RBMS3: variants seen among roughly 807,000 people sequenced by gnomAD.
RBMS3 encodes RNA binding motif single stranded interacting protein 3.
A neutral mutation model predicts 66.8 loss-of-function variants in RBMS3; 27 were observed. The ratio of observed to expected loss-of-function variants is 0.40; its 90% CI spans 0.30 to 0.56. The LOEUF (loss-of-function observed/expected upper bound fraction) is 0.56, where lower values mean the gene tolerates loss of function less well. Ranked by LOEUF, RBMS3 falls within the 20% of genes least tolerant of loss-of-function variation. The pLI is 0.40. For synonymous variants in RBMS3, 188 were observed against 183.0 expected (o/e 1.03, Z -0.22); for missense variants, 513 against 549.5 (o/e 0.93, Z 0.66).
chr3:29,830,923 T>C (rs2058354744), intron 6 of RBMS3, among the ~76,000 whole-genome samples: 2 of 152,150 alleles, frequency 1.3e-5, no homozygotes, highest in South Asian at 2.1e-4. Flanking sequence ...TGACCTTAGA[T>C]TCCAGATTTC....
intron 6 of RBMS3, among the ~76,000 whole-genome samples, chr3:29,792,034 A>G (rs2057028332): frequency 6.6e-6 from 1 of 152,206 alleles, no homozygotes; most frequent in Non-Finnish European, 1.5e-5. Context: ...TAAGTTAACC[A>G]GAAACATCTA....
chr3:29,748,041 C>A (rs1275655894), intron 5 of RBMS3, among the ~76,000 whole-genome samples: 2 of 152,034 alleles, frequency 1.3e-5, no homozygotes, highest in African/African-American at 4.8e-5. Context: ...CAAAAACACC[C>A]CAAACATAGG....
intron 8 of RBMS3, among the ~76,000 whole-genome samples, chr3:29,891,953 C>A (rs761538933): frequency 6.6e-6 from 1 of 151,404 alleles, no homozygotes; most frequent in Non-Finnish European, 1.5e-5. Context: ...CTGTTTATTT[C>A]AATATGTAAA....
At chr3:29,936,895 A>G (rs561493479) in intron 11 of RBMS3, among the ~76,000 whole-genome samples, 4 of 152,200 alleles carry the variant, frequency 2.6e-5, no homozygotes, top group Non-Finnish European at 5.9e-5. Context: ...CCAAATGTTC[A>G]AGGAGGCAAA....
chr3:29,590,440 A>T lies in RBMS3; in HGVS notation c.399+3235A>T, dbSNP rs552413741. 3.0e-4 allele frequency among the ~76,000 whole-genome samples: 45 copies of T among 152,264 alleles called. No individual in the cohort carries two copies. The South Asian group carries it at 9.1e-3, about 31-fold the overall frequency. On this transcript the variant is annotated intron_variant, in intron 4 of 14. Transcript: ENST00000383767. ...CTAAACCTTCTATAAATCATAATAC[A>T]TGTTTTAAATGTGTTATTCCAAATT...
chr3:29,772,634 A>G (rs979048409), intron 6 of RBMS3, among the ~76,000 whole-genome samples: 3 of 151,980 alleles, frequency 2.0e-5, no homozygotes, highest in Non-Finnish European at 4.4e-5. Context: ...GCCGAGGAGC[A>G]GCATAGGAGG....
intron 3 of RBMS3, among the ~76,000 whole-genome samples, chr3:29,500,925 TAAAG>T (rs1310676498): frequency 2.0e-5 from 3 of 152,094 alleles, no homozygotes; most frequent in Non-Finnish European, 4.4e-5. Context: ...AATTGTTATA[TAAAG>T]ATTTACCTAA....
chr3:29,339,993 C>T (rs1225934407), intron 1 of RBMS3, among the ~76,000 whole-genome samples: 1 of 152,118 alleles, frequency 6.6e-6, no homozygotes, highest in Non-Finnish European at 1.5e-5. Context: ...TGTGCAAAAA[C>T]ACCAAGTTGG....
At chr3:29,691,916 AT>A (rs2052026670) in intron 4 of RBMS3, among the ~76,000 whole-genome samples, 1 of 131,066 alleles carries the variant, frequency 7.6e-6, no homozygotes, top group South Asian at 2.5e-4. Flanking sequence ...TATAAATCTT[AT>A]TTATGTGTGA....
intron 1 of RBMS3, among the ~76,000 whole-genome samples, chr3:29,389,544 T>C (rs149308251): frequency 7.2e-4 from 109 of 152,314 alleles, no homozygotes; most frequent in African/African-American, 2.5e-3. Context: ...ATGATCAGAT[T>C]ACCAGAAAGT....
chr3:29,524,874 G>A (rs956027751), intron 3 of RBMS3, among the ~76,000 whole-genome samples: 1 of 152,054 alleles, frequency 6.6e-6, no homozygotes, highest in Non-Finnish European at 1.5e-5. Context: ...AGAACATAGT[G>A]AGACATTGTC....
intron 8 of RBMS3, among the ~76,000 whole-genome samples, chr3:29,886,941 A>T (rs2059886049): frequency 6.6e-6 from 1 of 151,830 alleles, no homozygotes; most frequent in Non-Finnish European, 1.5e-5. Flanking sequence ...AAAGAATCCT[A>T]CATTCAGGGT....
intron 3 of RBMS3, among the ~76,000 whole-genome samples, chr3:29,546,590 G>A (rs778251882): frequency 9.9e-5 from 15 of 152,158 alleles, no homozygotes; most frequent in Non-Finnish European, 2.2e-4. Flanking sequence ...AGTTCTGGAA[G>A]AAAAAATTGT....
At position 29,287,405 on chromosome 3, in the gene RBMS3, G is replaced by C. The variant is rs368263641; in HGVS notation, c.75+5649G>C. Among the ~76,000 whole-genome samples, 17 of 152,054 alleles carry C rather than the reference G, an allele frequency of 1.1e-4. No individual in the cohort carries two copies. In the East Asian group the frequency reaches 1.2e-3, roughly 10 times the overall value. On this transcript the variant is annotated intron_variant, in intron 1 of 14. Coordinates refer to ENST00000383767, the MANE Select transcript of RBMS3 (RefSeq NM_001003793.3). Reference sequence around the variant, plus strand: ...TACTACTTTAATTTATGGAACTATTGTAAGAAAACCTTCATCCCATTGATA... The same window carrying C: ...TACTACTTTAATTTATGGAACTATTCTAAGAAAACCTTCATCCCATTGATA...
At chr3:29,790,915 T>C (rs2056988409) in intron 6 of RBMS3, among the ~76,000 whole-genome samples, 1 of 152,194 alleles carries the variant, frequency 6.6e-6, no homozygotes. Flanking sequence ...TTTTGGTGAA[T>C]GTCCCCTGAT....
chr3:29,887,189 G>T (rs2059892377), intron 8 of RBMS3, among the ~76,000 whole-genome samples: 1 of 151,726 alleles, frequency 6.6e-6, no homozygotes, highest in Non-Finnish European at 1.5e-5. Flanking sequence ...ACCGAAACTG[G>T]ATGTTATATT....
chr3:29,387,259 A>G (rs1559538866), intron 1 of RBMS3, among the ~76,000 whole-genome samples: 4 of 151,718 alleles, frequency 2.6e-5, no homozygotes, highest in East Asian at 2.0e-4. Flanking sequence ...TTCACTTTGG[A>G]TGTTAAATAG....
chr3:29,578,481 G>A (rs1166779030), intron 3 of RBMS3, among the ~76,000 whole-genome samples: 1 of 152,196 alleles, frequency 6.6e-6, no homozygotes, highest in Non-Finnish European at 1.5e-5. Context: ...GTGTCTCATA[G>A]TGACAGGGAC....
At chr3:29,940,754 G>C (rs1283720697) in intron 11 of RBMS3, among the ~76,000 whole-genome samples, 3 of 96,770 alleles carry the variant, frequency 3.1e-5, no homozygotes, top group Non-Finnish European at 8.7e-5. Context: ...GAATCTGCAG[G>C]CCTCAAAAAA....
Sources: allele counts gnomAD v4.1 joint callset (sites outside exome capture counted in the v4.1 genomes callset), GRCh38; gene constraint gnomAD v4.1.1; transcripts MANE v1.5; gene names NCBI Gene and HGNC (gene_info 2026-07-23, HGNC 2026-07-21).